The following ATG4C variants were observed in gnomAD, a reference collection of about 807,000 sequenced individuals.
ATG4C encodes the protein cysteine protease ATG4C.
In ATG4C, 56 loss-of-function variants were observed where a neutral mutation model predicts 57.6. That is an observed-to-expected ratio of 0.97 (90% CI 0.78 to 1.21). ATG4C has a LOEUF of 1.21. Ranked by LOEUF, ATG4C falls within the 50% of genes most tolerant of loss-of-function variation. The pLI is 0.00. For synonymous variants in ATG4C, 157 were observed against 174.1 expected (o/e 0.90, Z 0.78); for missense variants, 595 against 529.8 (o/e 1.12, Z -1.21).
intron 7 of ATG4C, among the ~76,000 whole-genome samples, chr1:62,832,436 T>G (rs895091622): frequency 6.6e-6 from 1 of 152,184 alleles, no homozygotes; most frequent in African/African-American, 2.4e-5. Context: ...GTCTCCTTGC[T>G]GCGCTCTCAC....
chr1:62,813,823 C>T (rs1375511494), intron 3 of ATG4C, among the ~76,000 whole-genome samples: 1 of 152,168 alleles, frequency 6.6e-6, no homozygotes, highest in Admixed American at 6.6e-5. Context: ...GACATTTATG[C>T]AGCCAACAAA....
intron 1 of ATG4C, among the ~76,000 whole-genome samples, chr1:62,794,052 A>T (rs1255850545): frequency 6.6e-6 from 1 of 151,536 alleles, no homozygotes; most frequent in Admixed American, 6.5e-5. Flanking sequence ...GGTAAATATT[A>T]TGTTCTTCTT....
chr1:62,802,690 A>C (rs1051646819), intron 1 of ATG4C, among the ~76,000 whole-genome samples: 20 of 152,328 alleles, frequency 1.3e-4, no homozygotes, highest in African/African-American at 4.6e-4. Context: ...CCTGGTCTAC[A>C]AGGCCGTTTG....
rs766925547 is a variant in ATG4C, at chr1:62,829,035, C to T, written c.797-5C>T. ...TTTAATACATATTCATTATGTTTTT[C>T]TCAGTTTACAATTCTGATGTAATTG... On this transcript the variant is annotated splice_region_variant and splice_polypyrimidine_tract_variant and intron_variant, in intron 6 of 10. Transcript: ENST00000317868. 6.3e-7 allele frequency: 1 copy of T among 1,594,666 alleles called. No individual in the cohort carries two copies. Among genetic ancestry groups the T allele is most frequent in the South Asian group, 1.2e-5 (1 of 86,368 alleles).
chr1:62,812,261 A>G (rs1308900026), intron 3 of ATG4C, among the ~76,000 whole-genome samples: 1 of 152,224 alleles, frequency 6.6e-6, no homozygotes, highest in Non-Finnish European at 1.5e-5. Flanking sequence ...CACATCAAAA[A>G]GCTTATGCAC....
intron 2 of ATG4C, among the ~76,000 whole-genome samples, chr1:62,804,211 T>C (rs111412169): frequency 6.6e-6 from 1 of 151,718 alleles, no homozygotes; most frequent in African/African-American, 2.4e-5. Context: ...CTCAGCCTCC[T>C]GAGTAGCTGG....
chr1:62,812,019 A>G (rs560375830), intron 3 of ATG4C, among the ~76,000 whole-genome samples: 3 of 152,310 alleles, frequency 2.0e-5, no homozygotes, highest in South Asian at 4.1e-4. Flanking sequence ...TGTTAGGTAC[A>G]TAAACATTTA....
At chr1:62,829,587 C>T (rs927411171) in intron 7 of ATG4C, among the ~76,000 whole-genome samples, 1 of 152,050 alleles carries the variant, frequency 6.6e-6, no homozygotes, top group African/African-American at 2.4e-5. Context: ...TCCTGTGACA[C>T]CATGATGTCA....
At position 62,818,857 on chromosome 1, in the gene ATG4C, A is replaced by G. The variant is rs374913320; in HGVS notation, c.395-148A>G. 13 of 611,392 alleles carry G rather than the reference A, an allele frequency of 2.1e-5. No homozygotes were observed. In the African/African-American group the frequency reaches 2.2e-4, roughly 11 times the overall value. 37.9% of individuals were successfully genotyped at this position (611,392 alleles called of 1,614,324 possible). A position where few individuals can be genotyped will look rare whatever the true frequency, so the allele number is the denominator to read the frequency against. Reference sequence around the variant, plus strand: ...AGTACCTCTCCCTAAGCAACCATTAATCTACTTTTTGTTTCCATGTATTTA... The same window carrying G: ...AGTACCTCTCCCTAAGCAACCATTAGTCTACTTTTTGTTTCCATGTATTTA... On this transcript the variant is annotated intron_variant, in intron 4 of 10. Coordinates refer to ENST00000317868, the MANE Select transcript of ATG4C (RefSeq NM_032852.4).
chr1:62,844,657 A>G (rs1450578573), intron 10 of ATG4C, among the ~76,000 whole-genome samples: 2 of 152,068 alleles, frequency 1.3e-5, no homozygotes, highest in African/African-American at 4.8e-5. Flanking sequence ...GAGCTTAAGA[A>G]AGTTATATAT....
At chr1:62,856,890 A>G (rs1333733) in intron 10 of ATG4C, among the ~76,000 whole-genome samples, 97,034 of 151,910 alleles carry the variant, frequency 0.64, 31,336 homozygotes, top group African/African-American at 0.74. Context: ...AGGGAACAGT[A>G]AAACCCAAAT....
intron 1 of ATG4C, among the ~76,000 whole-genome samples, chr1:62,790,674 T>C (rs755901443): frequency 2.0e-5 from 3 of 152,238 alleles, no homozygotes; most frequent in Non-Finnish European, 4.4e-5. Context: ...CTTTGTAATA[T>C]ATAGTTATAG....
At chr1:62,856,988 G>T (rs779142467) in intron 10 of ATG4C, among the ~76,000 whole-genome samples, 20 of 152,126 alleles carry the variant, frequency 1.3e-4, no homozygotes, top group Non-Finnish European at 2.2e-4. Flanking sequence ...AGCCACGCTG[G>T]CTTGCTTTCT....
At chr1:62,786,151 C>G (rs1346081323) in intron 1 of ATG4C, among the ~76,000 whole-genome samples, 1 of 152,102 alleles carries the variant, frequency 6.6e-6, no homozygotes, top group Admixed American at 6.5e-5. Flanking sequence ...GAAATTAATT[C>G]AGTTCTTTTC....
At chr1:62,832,127 A>G (rs1302977455) in intron 7 of ATG4C, among the ~76,000 whole-genome samples, 1 of 152,170 alleles carries the variant, frequency 6.6e-6, no homozygotes, top group Non-Finnish European at 1.5e-5. Flanking sequence ...GTTTAGTGAG[A>G]TTTTTGATAC....
intron 9 of ATG4C, among the ~76,000 whole-genome samples, chr1:62,840,874 A>C (rs1247338364): frequency 6.6e-6 from 1 of 152,240 alleles, no homozygotes; most frequent in Non-Finnish European, 1.5e-5. Flanking sequence ...CAAGAATTAA[A>C]GCACACTCAA....
In ATG4C at chr1:62,825,199, G is replaced by A. The variant is rs540482160; in HGVS notation, c.797-3841G>A. On this transcript the variant is annotated intron_variant, in intron 6 of 10. Transcript: ENST00000317868. Reference sequence around the variant, plus strand: ...TGCAGTGAACCAAGATCGTGCCACTGCACTCCAGCCTGGGTGACAGAGGGA... The same window carrying A: ...TGCAGTGAACCAAGATCGTGCCACTACACTCCAGCCTGGGTGACAGAGGGA... Among the ~76,000 whole-genome samples the A allele has an allele frequency of 1.2e-4, 17 of 147,764 alleles. No homozygotes were observed. The South Asian group carries it at 3.4e-3, about 30-fold the overall frequency.
At chr1:62,853,721 C>T (rs1397225096) in intron 10 of ATG4C, among the ~76,000 whole-genome samples, 2 of 152,340 alleles carry the variant, frequency 1.3e-5, no homozygotes, top group African/African-American at 2.4e-5. Flanking sequence ...GCTGGGATTA[C>T]AGGCATGAGC....
At chr1:62,846,437 A>G (rs1666327416) in intron 10 of ATG4C, among the ~76,000 whole-genome samples, 1 of 152,130 alleles carries the variant, frequency 6.6e-6, no homozygotes. Flanking sequence ...ATGCAGTCAT[A>G]TAGCTTTAAA....
Sources: allele counts gnomAD v4.1 joint callset (sites outside exome capture counted in the v4.1 genomes callset), GRCh38; gene constraint gnomAD v4.1.1; transcripts MANE v1.5; gene names NCBI Gene and HGNC (gene_info 2026-07-23, HGNC 2026-07-21).